The following MEGF9 variants were observed in gnomAD, a reference collection of about 807,000 sequenced individuals.
The protein encoded by MEGF9 is multiple EGF like domains 9, also known as multiple epidermal growth factor-like domains protein 9.
A neutral mutation model predicts 46.8 loss-of-function variants in MEGF9; 6 were observed. The ratio of observed to expected loss-of-function variants is 0.13; its 90% CI spans 0.07 to 0.25. The LOEUF (loss-of-function observed/expected upper bound fraction) is 0.25. MEGF9 is among the 10% of genes least tolerant of loss of function. The pLI, the probability that MEGF9 is intolerant of heterozygous loss-of-function variation, is 1.00. For missense variants in MEGF9, 683 were observed against 792.4 expected, an observed-to-expected ratio of 0.86 and a Z score of 1.66; for synonymous variants, 302 against 330.7, an observed-to-expected ratio of 0.91 and a Z score of 0.94.
chr9:120,713,750 G>C lies in MEGF9; in HGVS notation c.601+8C>G, dbSNP rs1355423584. 3.0e-5 allele frequency: 38 copies of C among 1,287,370 alleles called. No individual in the cohort carries two copies. The highest frequency in any genetic ancestry group is 3.5e-5 in the Non-Finnish European group (36 of 1,017,776). 79.7% of individuals were successfully genotyped at this position (1,287,370 alleles called of 1,614,324 possible). A position where few individuals can be genotyped will look rare whatever the true frequency, so the allele number is the denominator to read the frequency against. On this transcript the variant is annotated splice_region_variant and intron_variant, in intron 1 of 5. Coordinates refer to ENST00000373930, the MANE Select transcript of MEGF9 (RefSeq NM_001080497.3). ...CGGGTCCTGCCCGAGAGGGAGCGCC[G>C]GACTCACCTGGAGGAGGCGAAGAGG...
chr9:120,625,790 C>T lies in MEGF9; in HGVS notation c.804-3035G>A, dbSNP rs368002166. Among the ~76,000 whole-genome samples, 701 of 132,804 alleles carry T rather than the reference C, an allele frequency of 5.3e-3. 3 individuals are homozygous for T. Among genetic ancestry groups the T allele is most frequent in the South Asian group, 0.013 (53 of 4,144 alleles). The allele number at this position is 132,804 out of a possible 152,430, so 87.1% of individuals were successfully genotyped here. A position where few individuals can be genotyped will look rare whatever the true frequency, so the allele number is the denominator to read the frequency against. ...TGGAGGTTGTGGTGAGCCAAGATTG[C>T]GCCACTGCACTCCAGCCTGGGTGAC... On this transcript the variant is annotated intron_variant, in intron 2 of 5. Transcript: ENST00000373930.
intron 1 of MEGF9, among the ~76,000 whole-genome samples, chr9:120,679,362 A>T (rs1164319966): frequency 3.3e-5 from 5 of 151,980 alleles, no homozygotes; most frequent in Non-Finnish European, 5.9e-5. Context: ...TTCTGAGCAA[A>T]CTATCACAAG....
chr9:120,628,465 GTTGTTTTTTTTT>G (rs1252284246), intron 2 of MEGF9, among the ~76,000 whole-genome samples: 9 of 52,756 alleles, frequency 1.7e-4, no homozygotes, highest in African/African-American at 4.9e-4. Context: ...AATTCTTGTC[GTTGTTTTTTTTT>G]TTTTTTTTTT....
intron 1 of MEGF9, among the ~76,000 whole-genome samples, chr9:120,674,880 AT>A (rs35813407): frequency 3.1e-4 from 42 of 135,730 alleles, no homozygotes; most frequent in African/African-American, 4.8e-4. Context: ...AGCAGTTTCT[AT>A]TTTTTTTTTT....
Position 120,659,282 on chromosome 9 carries a change from T to C in MEGF9, c.803+92A>G, listed in dbSNP as rs568606607. 3.5e-5 allele frequency: 34 copies of C among 975,478 alleles called. No individual in the cohort carries two copies. In the South Asian group the frequency reaches 6.1e-4, roughly 17 times the overall value. 60.4% of individuals were successfully genotyped at this position (975,478 alleles called of 1,614,324 possible). A position where few individuals can be genotyped will look rare whatever the true frequency, so the allele number is the denominator to read the frequency against. ...GTAAATCTATGACCCTCATCCCCCTTTGTTTAAACCAGTATGGTCCTTGAG... is the reference window on the plus strand; with the variant it reads ...GTAAATCTATGACCCTCATCCCCCTCTGTTTAAACCAGTATGGTCCTTGAG... On this transcript the variant is annotated intron_variant, in intron 2 of 5. Coordinates refer to ENST00000373930, the MANE Select transcript of MEGF9 (RefSeq NM_001080497.3).
At chr9:120,630,704 A>G (rs2043546655) in intron 2 of MEGF9, among the ~76,000 whole-genome samples, 1 of 152,124 alleles carries the variant, frequency 6.6e-6, no homozygotes, top group Non-Finnish European at 1.5e-5. Context: ...CAGACATTCT[A>G]ATGGGGGTGA....
intron 1 of MEGF9, among the ~76,000 whole-genome samples, chr9:120,698,586 C>T (rs1044370812): frequency 2.0e-5 from 3 of 152,158 alleles, no homozygotes; most frequent in African/African-American, 7.2e-5. Context: ...GATTATATGA[C>T]GGAAGTTGGT....
intron 1 of MEGF9, among the ~76,000 whole-genome samples, chr9:120,700,916 A>G (rs1485194189): frequency 6.6e-6 from 1 of 151,548 alleles, no homozygotes; most frequent in African/African-American, 2.4e-5. Context: ...CCCTGTCTCT[A>G]CCAAAAATAA....
intron 2 of MEGF9, among the ~76,000 whole-genome samples, chr9:120,653,726 T>G (rs544892621): frequency 6.6e-6 from 1 of 152,126 alleles, no homozygotes; most frequent in Admixed American, 6.5e-5. Flanking sequence ...TTGTGACCAA[T>G]AGAAGTATAA....
intron 1 of MEGF9, among the ~76,000 whole-genome samples, chr9:120,683,592 G>A (rs1439992740): frequency 6.6e-6 from 1 of 152,166 alleles, no homozygotes; most frequent in South Asian, 2.1e-4. Flanking sequence ...AGTTTCCTGA[G>A]GCCTCCCCAG....
At chr9:120,661,948 C>T (rs1458650783) in intron 1 of MEGF9, among the ~76,000 whole-genome samples, 2 of 152,100 alleles carry the variant, frequency 1.3e-5, no homozygotes, top group Non-Finnish European at 2.9e-5. Flanking sequence ...CACCAGTTAA[C>T]TAATCAAAGT....
At chr9:120,692,459 T>C (rs553384791) in intron 1 of MEGF9, among the ~76,000 whole-genome samples, 13 of 152,304 alleles carry the variant, frequency 8.5e-5, no homozygotes, top group African/African-American at 3.1e-4. Flanking sequence ...TGCCCTCTAA[T>C]TATCTTCTCT....
intron 1 of MEGF9, among the ~76,000 whole-genome samples, chr9:120,712,375 C>T (rs2043957930): frequency 6.6e-6 from 1 of 152,134 alleles, no homozygotes. Flanking sequence ...TTCAGTGAGC[C>T]GCCTAAGCTT....
intron 3 of MEGF9, among the ~76,000 whole-genome samples, chr9:120,622,080 A>G (rs750340032): frequency 7.9e-5 from 12 of 152,206 alleles, no homozygotes; most frequent in Admixed American, 2.0e-4. Flanking sequence ...CCTCAGCACA[A>G]GACTGAAAGA....
chr9:120,714,302 GGC>G lies in MEGF9; in HGVS notation c.55_56del (p.Ala19ProfsTer50). 7.5e-7 allele frequency: 1 copy of G among 1,335,872 alleles called. No homozygotes were observed. Among genetic ancestry groups the G allele is most frequent in the Non-Finnish European group, 9.6e-7 (1 of 1,043,104 alleles). The allele number at this position is 1,335,872 out of a possible 1,614,324, so 82.8% of individuals were successfully genotyped here. A position where few individuals can be genotyped will look rare whatever the true frequency, so the allele number is the denominator to read the frequency against. On this transcript the variant is annotated frameshift_variant, in exon 1 of 6. Transcript: ENST00000373930. LOFTEE classifies it high-confidence loss of function. ...MRSLPSLGGL[A>X]LLCCAAAAAA... ...CGGCGGCGGCGGCGCAGCACAACAG[GGC>G]GAGGCCGCCCAGGCTCGGCAGGCTC...
At chr9:120,626,470 T>C (rs2043526102) in intron 2 of MEGF9, among the ~76,000 whole-genome samples, 1 of 152,236 alleles carries the variant, frequency 6.6e-6, no homozygotes, top group African/African-American at 2.4e-5. Context: ...TTTTTAAGTG[T>C]ATATAAATAA....
chr9:120,630,754 T>C (rs2043546905), intron 2 of MEGF9, among the ~76,000 whole-genome samples: 1 of 152,242 alleles, frequency 6.6e-6, no homozygotes, highest in Non-Finnish European at 1.5e-5. Flanking sequence ...ACTTCTCTGA[T>C]GATTAGTGAT....
At chr9:120,635,682 T>C (rs778187919) in intron 2 of MEGF9, among the ~76,000 whole-genome samples, 4 of 152,196 alleles carry the variant, frequency 2.6e-5, no homozygotes, top group Non-Finnish European at 5.9e-5. Context: ...TTTTTTATGA[T>C]TTCTATCTCT....
intron 1 of MEGF9, among the ~76,000 whole-genome samples, chr9:120,712,329 T>C (rs1475364068): frequency 6.6e-6 from 1 of 152,172 alleles, no homozygotes; most frequent in Non-Finnish European, 1.5e-5. Flanking sequence ...TAATATTATC[T>C]TCATTTCACA....
Sources: allele counts gnomAD v4.1 joint callset (sites outside exome capture counted in the v4.1 genomes callset), GRCh38; gene constraint gnomAD v4.1.1; transcripts MANE v1.5; gene names NCBI Gene and HGNC (gene_info 2026-07-23, HGNC 2026-07-21).